MALRD1: variants seen among roughly 807,000 people sequenced by gnomAD.
MALRD1 encodes the protein MAM and LDL-receptor class A domain-containing protein 1.
Under a neutral mutation model 242.1 loss-of-function variants are expected in MALRD1, and 247 were observed. That is an observed-to-expected ratio of 1.02 (90% CI 0.92 to 1.13). The LOEUF (loss-of-function observed/expected upper bound fraction) is 1.13, where lower values mean the gene tolerates loss of function less well. Among genes scored for constraint, MALRD1 ranks in the 50% most tolerant of loss-of-function variants. The pLI is 0.00. For missense variants in MALRD1, 2,989 were observed against 2,533.1 expected, an observed-to-expected ratio of 1.18 and a Z score of -3.86; for synonymous variants, 995 against 866.6, an observed-to-expected ratio of 1.15 and a Z score of -2.60.
At chr10:19,219,599 C>CT (rs1837472564) in intron 18 of MALRD1, among the ~76,000 whole-genome samples, 1 of 151,974 alleles carries the variant, frequency 6.6e-6, no homozygotes, top group Non-Finnish European at 1.5e-5. Flanking sequence ...ACCACACCGG[C>CT]TAATTTTTAA....
At chr10:19,270,801 A>G (rs1427510941) in intron 19 of MALRD1, among the ~76,000 whole-genome samples, 1 of 126,040 alleles carries the variant, frequency 7.9e-6, no homozygotes, top group African/African-American at 3.1e-5. Context: ...ATGGCATTCA[A>G]AGGATAACAC....
intron 36 of MALRD1, among the ~76,000 whole-genome samples, chr10:19,691,131 A>G (rs1210474265): frequency 2.0e-5 from 3 of 152,130 alleles, no homozygotes; most frequent in Admixed American, 1.3e-4. Context: ...CAAGGAATGC[A>G]TCTTAAGGAT....
At chr10:19,363,545 T>C (rs1844986358) in intron 26 of MALRD1, among the ~76,000 whole-genome samples, 1 of 152,154 alleles carries the variant, frequency 6.6e-6, no homozygotes, top group African/African-American at 2.4e-5. Context: ...GTGTGTGTCT[T>C]CCTCCTCAAC....
At chr10:19,401,773 A>G (rs916023805) in intron 28 of MALRD1, among the ~76,000 whole-genome samples, 2 of 152,152 alleles carry the variant, frequency 1.3e-5, no homozygotes, top group Non-Finnish European at 2.9e-5. Flanking sequence ...CAACAGGCAC[A>G]CACTGGCCAC....
In MALRD1 at chr10:19,238,433, A is replaced by AATATATAATATACATTATATATT. The variant is rs1838536606; in HGVS notation, c.2992-19229_2992-19228insTATATATAATATACATTATATAT. Among the ~76,000 whole-genome samples the AATATATAATATACATTATATATT allele has an allele frequency of 2.7e-4, 19 of 70,980 alleles. 1 individual carries two copies. The highest frequency in any genetic ancestry group is 5.5e-4 in the Admixed American group (2 of 3,626). The allele number at this position is 70,980 out of a possible 152,430, so 46.6% of individuals were successfully genotyped here. ...ATAATATATAATATACATTATATAT[A>AATATATAATATACATTATATATT]ATATATAATATACATTATATATAAT... On this transcript the variant is annotated intron_variant, in intron 18 of 39. Coordinates refer to ENST00000454679, the MANE Select transcript of MALRD1 (RefSeq NM_001142308.3).
intron 21 of MALRD1, among the ~76,000 whole-genome samples, chr10:19,312,378 G>GTATATATATA (rs112120220): frequency 2.0e-3 from 271 of 137,508 alleles, no homozygotes; most frequent in African/African-American, 5.5e-3. Flanking sequence ...AGAGGAATGT[G>GTATATATATA]TATATATATA....
chr10:19,112,237 G>C (rs1836703766), intron 5 of MALRD1, among the ~76,000 whole-genome samples: 1 of 150,806 alleles, frequency 6.6e-6, no homozygotes. Flanking sequence ...CTGGTATCCT[G>C]CTGATGATTG....
intron 38 of MALRD1, among the ~76,000 whole-genome samples, chr10:19,705,400 C>T (rs1833816350): frequency 6.6e-6 from 1 of 152,204 alleles, no homozygotes; most frequent in Admixed American, 6.5e-5. Flanking sequence ...CCGAGGTCAT[C>T]TCATAATGCT....
intron 38 of MALRD1, among the ~76,000 whole-genome samples, chr10:19,729,762 A>T (rs1204663993): frequency 1.1e-5 from 1 of 93,384 alleles, no homozygotes; most frequent in African/African-American, 4.2e-5. Context: ...TTTGAGACGG[A>T]GTCTCGCTCT....
At chr10:19,726,784 T>C (rs543174667) in intron 38 of MALRD1, among the ~76,000 whole-genome samples, 1 of 152,232 alleles carries the variant, frequency 6.6e-6, no homozygotes, top group Non-Finnish European at 1.5e-5. Context: ...ATTAAACTTC[T>C]GATACATACT....
At chr10:19,517,047 T>C (rs76884733) in intron 31 of MALRD1, among the ~76,000 whole-genome samples, 1,973 of 152,268 alleles carry the variant, frequency 0.013, 27 homozygotes, top group Non-Finnish European at 0.02. Flanking sequence ...GGGGTTTTAG[T>C]TGACCGAGTA....
intron 14 of MALRD1, among the ~76,000 whole-genome samples, chr10:19,183,131 T>TTG (rs1835586392): frequency 6.9e-6 from 1 of 145,654 alleles, no homozygotes; most frequent in Non-Finnish European, 1.5e-5. Context: ...TTTTTTTTTT[T>TTG]GCCTGCTTTT....
chr10:19,402,979 G>A (rs1056585727), intron 28 of MALRD1, among the ~76,000 whole-genome samples: 2 of 146,284 alleles, frequency 1.4e-5, no homozygotes, highest in African/African-American at 5.1e-5. Context: ...GTAATAAATG[G>A]CTCATTGTAG....
At chr10:19,569,302 G>A (rs10740921) in intron 33 of MALRD1, among the ~76,000 whole-genome samples, 103,379 of 151,734 alleles carry the variant, frequency 0.68, 39,588 homozygotes, top group Non-Finnish European at 0.84. Context: ...ATTTTCTCCA[G>A]CAATTCTCAA....
At chr10:19,428,154 T>TTTGGGAGGTGAGGCG (rs1280969388) in intron 28 of MALRD1, among the ~76,000 whole-genome samples, 1 of 151,764 alleles carries the variant, frequency 6.6e-6, no homozygotes, top group East Asian at 2.0e-4. Flanking sequence ...GCAGGGAGGC[T>TTTGGGAGGTGAGGCG]TTGGGAGGTG....
chr10:19,130,869 G>A (rs971926729), intron 8 of MALRD1, among the ~76,000 whole-genome samples: 3 of 152,028 alleles, frequency 2.0e-5, no homozygotes, highest in Non-Finnish European at 4.4e-5. Flanking sequence ...TAAAAATGAC[G>A]TTAGATACCA....
At chr10:19,688,688 G>T (rs1842699527) in intron 36 of MALRD1, among the ~76,000 whole-genome samples, 1 of 152,184 alleles carries the variant, frequency 6.6e-6, no homozygotes, top group African/African-American at 2.4e-5. Context: ...TGGCAGGAGA[G>T]AAATTTCTTT....
chr10:19,123,425 A>G (rs1837139158), intron 5 of MALRD1, 67 bp from the exon 6 acceptor site: 2 of 938,644 alleles, frequency 2.1e-6, no homozygotes, highest in Non-Finnish European at 2.8e-6. Context: ...TTAACATTAA[A>G]GCAAAATACT....
intron 11 of MALRD1, among the ~76,000 whole-genome samples, chr10:19,153,980 A>G (rs1304736724): frequency 4.6e-5 from 7 of 152,116 alleles, no homozygotes; most frequent in Non-Finnish European, 1.5e-5. Flanking sequence ...ATTCATTTGA[A>G]TTTTACCTAA....
Sources: gnomAD v4.1 joint callset for allele counts (sites outside exome capture counted in the v4.1 genomes callset) on GRCh38, gnomAD v4.1.1 for gene constraint, MANE v1.5 for transcripts, NCBI Gene and HGNC (gene_info 2026-07-23, HGNC 2026-07-21) for gene names.